Variants in KIF5C observed in about 807,000 individuals in gnomAD.
The protein encoded by KIF5C is kinesin heavy chain isoform 5C.
In KIF5C, 18 loss-of-function variants were observed where a neutral mutation model predicts 125.2. The observed-to-expected ratio is 0.14, with a 90% CI of 0.10 to 0.21. The LOEUF (loss-of-function observed/expected upper bound fraction) is 0.21. KIF5C is among the 10% of genes least tolerant of loss of function. The probability of loss-of-function intolerance (pLI) is 1.00; values close to 1 mark genes in which losing one functional copy is unlikely to be tolerated. For synonymous variants in KIF5C, 405 were observed against 434.0 expected, an observed-to-expected ratio of 0.93 and a Z score of 0.83; for missense variants, 780 against 1,183.8, an observed-to-expected ratio of 0.66 and a Z score of 5.01.
chr2:148,924,385 G>A lies in KIF5C; in HGVS notation c.217+2158G>A, dbSNP rs956507037. On this transcript the variant is annotated intron_variant, in intron 2 of 25. Coordinates refer to ENST00000435030, the MANE Select transcript of KIF5C (RefSeq NM_004522.3). The surrounding 1 kb of genome is among the most constrained non-coding windows in gnomAD (Gnocchi z 4.0). The stretch of plus-strand genomic sequence containing the variant: ...GTGGACCAAGGAGCATTCCTTTCAA[G>A]TCCATCTAAACTCTTAATGATTTGG... 6.6e-6 allele frequency among the ~76,000 whole-genome samples: 1 copy of A among 152,126 alleles called. No homozygotes were observed. The highest frequency in any genetic ancestry group is 1.5e-5 in the Non-Finnish European group (1 of 68,032).
rs767323815 is a variant in KIF5C, at chr2:148,991,166, G to A, written c.1873G>A (p.Glu625Lys). 2 of 1,613,824 alleles carry A rather than the reference G, an allele frequency of 1.2e-6. No homozygotes were observed. The highest frequency in any genetic ancestry group is 2.2e-5 in the South Asian group (2 of 91,062). The change falls in exon 16 of 26, where the codon GAG becomes AAG. Residue 625 changes from glutamate to lysine, a missense_variant. Glu to Lys is a moderately conservative substitution (Grantham distance 56). Coordinates refer to ENST00000435030, the MANE Select transcript of KIF5C (RefSeq NM_004522.3). ...SNRKMNASERELAACQLLISQ... is the reference protein window; with the variant it reads ...SNRKMNASERKLAACQLLISQ... ...CAGGAAGATGAATGCCAGCGAGCGGGAGCTGGCAGCCTGCCAGCTGCTCAT... is the reference window on the plus strand; with the variant it reads ...CAGGAAGATGAATGCCAGCGAGCGGAAGCTGGCAGCCTGCCAGCTGCTCAT...
chr2:149,021,403 G>GT (rs59816637), intron 25 of KIF5C, among the ~76,000 whole-genome samples: 134 of 146,246 alleles, frequency 9.2e-4, no homozygotes, highest in Admixed American at 1.2e-3. Context: ...GTGTTGTTCT[G>GT]TTTTTTTTTT....
At chr2:148,916,755 G>A (rs986061491) in intron 1 of KIF5C, among the ~76,000 whole-genome samples, 5 of 152,012 alleles carry the variant, frequency 3.3e-5, no homozygotes, top group African/African-American at 1.2e-4. Flanking sequence ...AGGAAAGCAG[G>A]GGGAAAAAAG....
At chr2:148,889,410 G>A (rs528283066) in intron 1 of KIF5C, among the ~76,000 whole-genome samples, 1 of 152,328 alleles carries the variant, frequency 6.6e-6, no homozygotes, top group Non-Finnish European at 1.5e-5. Context: ...AGGCTGGTGG[G>A]AGGGGAGTCT....
At chr2:148,897,867 C>T (rs1331616415) in intron 1 of KIF5C, among the ~76,000 whole-genome samples, 6 of 120,732 alleles carry the variant, frequency 5.0e-5, no homozygotes, top group African/African-American at 9.6e-5. Context: ...TATAGTGAAC[C>T]GAGATCATGC....
intron 8 of KIF5C, 84 bp from the exon 9 acceptor site, chr2:148,949,755 C>G (rs916600454): frequency 4.6e-6 from 7 of 1,521,000 alleles, no homozygotes; most frequent in African/African-American, 1.4e-5. Flanking sequence ...AGGCTGTCCC[C>G]CTTTGCCCTC....
At chr2:148,954,707 G>A (rs1682751061) in intron 10 of KIF5C, among the ~76,000 whole-genome samples, 1 of 152,174 alleles carries the variant, frequency 6.6e-6, no homozygotes, top group African/African-American at 2.4e-5. Flanking sequence ...TTTTCCTGAT[G>A]TGCACTTAAA....
rs140454832 is a variant in KIF5C, at chr2:148,920,098, C to CT, written c.127-2029dup. On this transcript the variant is annotated intron_variant, in intron 1 of 25. Coordinates refer to ENST00000435030, the MANE Select transcript of KIF5C (RefSeq NM_004522.3). ...AACAGAAGGGCAAAACTGAGGAGTC[C>CT]TTTTTTTTTTGTACCATGTGCTATA... Among the ~76,000 whole-genome samples the CT allele has an allele frequency of 2.0e-4, 31 of 151,448 alleles. 1 individual carries two copies. The highest frequency in any genetic ancestry group is 6.3e-4 in the African/African-American group (26 of 40,982).
chr2:148,975,089 C>T (rs1681025901), intron 12 of KIF5C, among the ~76,000 whole-genome samples: 1 of 152,182 alleles, frequency 6.6e-6, no homozygotes, highest in African/African-American at 2.4e-5. Context: ...CATTTTCCTA[C>T]AGCATGTGCT....
chr2:148,969,161 A>T (rs186024774), intron 11 of KIF5C, among the ~76,000 whole-genome samples: 226 of 152,336 alleles, frequency 1.5e-3, no homozygotes, highest in African/African-American at 5.2e-3. Flanking sequence ...AACCTATTTT[A>T]GAAATTTTAA....
chr2:148,950,931 T>C (rs1194836074), intron 10 of KIF5C, among the ~76,000 whole-genome samples: 2 of 152,230 alleles, frequency 1.3e-5, no homozygotes, highest in Non-Finnish European at 1.5e-5. Context: ...GCATCACTTA[T>C]TGAAGCCAAA....
intron 1 of KIF5C, among the ~76,000 whole-genome samples, chr2:148,894,591 C>T: frequency 6.6e-6 from 1 of 151,972 alleles, no homozygotes; most frequent in East Asian, 1.9e-4. Flanking sequence ...TCCTTATAAC[C>T]AGGCTATAAC....
intron 1 of KIF5C, among the ~76,000 whole-genome samples, chr2:148,914,688 G>T (rs556471885): frequency 6.8e-4 from 104 of 152,312 alleles, no homozygotes; most frequent in Non-Finnish European, 1.2e-3. Context: ...TCTCCTGGGA[G>T]CAGCCTTGGC....
intron 17 of KIF5C, among the ~76,000 whole-genome samples, chr2:148,997,001 C>T (rs1292316419): frequency 6.6e-6 from 1 of 152,168 alleles, no homozygotes; most frequent in Non-Finnish European, 1.5e-5. Context: ...CCTAGGAGGG[C>T]CGCCCCCAGT....
At chr2:148,938,043 T>G (rs1307899181) in intron 4 of KIF5C, among the ~76,000 whole-genome samples, 3 of 152,232 alleles carry the variant, frequency 2.0e-5, no homozygotes, top group East Asian at 1.9e-4. Flanking sequence ...GTTATATGAC[T>G]TAAATTGGCA....
chr2:148,883,500 C>CAAAAA (rs879265462), intron 1 of KIF5C: 1 of 138,036 alleles, frequency 7.2e-6, no homozygotes, highest in South Asian at 2.3e-4. Context: ...GACTCTGTCT[C>CAAAAA]AAAAAAAAAA....
rs1682528613 is a variant in KIF5C at position 148,946,756 on chromosome 2, G to GT, written c.590-142dup. The GT allele has an allele frequency of 3.4e-6, 4 of 1,159,672 alleles. No homozygotes were observed. In the East Asian group the frequency reaches 1.1e-4, roughly 32 times the overall value. 71.8% of individuals were successfully genotyped at this position (1,159,672 alleles called of 1,614,324 possible). A position where few individuals can be genotyped will look rare whatever the true frequency, so the allele number is the denominator to read the frequency against. ...GCATTGTTTTTCAGAAGAAACAGGG[G>GT]TCTCAGATAATTTTTAGAATTGACT... On this transcript the variant is annotated intron_variant, in intron 7 of 25. Transcript: ENST00000435030.
intron 4 of KIF5C, among the ~76,000 whole-genome samples, chr2:148,938,504 G>A (rs1682338390): frequency 1.3e-5 from 2 of 152,098 alleles, no homozygotes; most frequent in African/African-American, 4.8e-5. Flanking sequence ...TTTTTGGTGG[G>A]AGAAGGGGTT....
chr2:148,993,431 G>C (rs1260409401), intron 16 of KIF5C, among the ~76,000 whole-genome samples: 1 of 152,156 alleles, frequency 6.6e-6, no homozygotes, highest in Admixed American at 6.5e-5. Flanking sequence ...GCAAAGATTC[G>C]ACCATTATTT....
Sources: allele counts gnomAD v4.1 joint callset (sites outside exome capture counted in the v4.1 genomes callset), GRCh38; gene constraint gnomAD v4.1.1; non-coding constraint Gnocchi (gnomAD v3.1); transcripts MANE v1.5; gene names NCBI Gene and HGNC (gene_info 2026-07-23, HGNC 2026-07-21).